OTX1: variants seen among roughly 807,000 people sequenced by gnomAD.
OTX1 encodes the protein homeobox protein OTX1.
In OTX1, 7 loss-of-function variants were observed where a neutral mutation model predicts 26.7. The ratio of observed to expected loss-of-function variants is 0.26; its 90% CI spans 0.15 to 0.49. The LOEUF (loss-of-function observed/expected upper bound fraction) is 0.49. OTX1 is among the 20% of genes least tolerant of loss of function. The pLI, the probability that OTX1 is intolerant of heterozygous loss-of-function variation, is 0.98. For synonymous variants in OTX1, 216 were observed against 212.8 expected (o/e 1.01, Z -0.13); for missense variants, 414 against 483.8 (o/e 0.86, Z 1.35).
intron 3 of OTX1, 30 bp downstream of exon 3, chr2:63,053,117 A>C: frequency 6.9e-7 from 1 of 1,442,800 alleles, no homozygotes; most frequent in Non-Finnish European, 9.3e-7. Flanking sequence ...ACCCTGCCTC[A>C]GCCTCTCAAA....
At position 63,055,838 on chromosome 2, in the gene OTX1, C is replaced by T; in HGVS notation, c.587C>T (p.Pro196Leu). The T allele has an allele frequency of 6.2e-7, 1 of 1,612,254 alleles. No individual in the cohort carries two copies. Among genetic ancestry groups the T allele is most frequent in the South Asian group, 1.1e-5 (1 of 91,024 alleles). Residue 196 changes from proline (P) to leucine (L), a missense_variant, in exon 5 of 5, where the codon CCA (proline) becomes CTA (leucine). Pro to Leu is a moderately conservative substitution (Grantham distance 98). Coordinates refer to ENST00000282549, the MANE Select transcript of OTX1 (RefSeq NM_014562.4). This position sits in a 1 kb window ranked among gnomAD's most constrained non-coding sequence, Gnocchi z 5.2. ...CCCGCGTCCGTGTCGGTGCCGGAGC[C>T]ATTGGCCGCGCCTAGCAACACCTCG... ...SAPASVSVPE[P>L]LAAPSNTSCM...
At position 63,052,518 on chromosome 2, in the gene OTX1, A is replaced by G. The variant is rs562798598; in HGVS notation, c.-111-362A>G. The stretch of plus-strand genomic sequence containing the variant: ...CTGGGCGGCCTGCCGTCCGGGCACC[A>G]AGTGAACCTTTGCTTGTGCAACATG... On this transcript the variant is annotated intron_variant, in intron 2 of 4. Coordinates refer to ENST00000282549, the MANE Select transcript of OTX1 (RefSeq NM_014562.4). Among the ~76,000 whole-genome samples the G allele has an allele frequency of 3.3e-5, 5 of 152,354 alleles. No homozygotes were observed. In the South Asian group the frequency reaches 1.0e-3, roughly 32 times the overall value.
At chr2:63,051,061 G>C (rs1178554177) in intron 1 of OTX1, 164 bp downstream of exon 1, 1 of 152,278 alleles carries the variant, frequency 6.6e-6, no homozygotes, top group East Asian at 1.9e-4. Flanking sequence ...CCCAGGCGAG[G>C]CAATGTCCTG....
chr2:63,055,395 G>A lies in OTX1; in HGVS notation c.250-106G>A, dbSNP rs1006304250. The A allele has an allele frequency of 7.9e-7, 1 of 1,266,670 alleles. No individual in the cohort carries two copies. Among genetic ancestry groups the A allele is most frequent in the Admixed American group, 2.3e-5 (1 of 42,892 alleles). 78.5% of individuals were successfully genotyped at this position (1,266,670 alleles called of 1,614,324 possible). ...CAGGAAGGGGCGGAGGCCTCGGTGA[G>A]AAAGGATTGCGATATTCTGGACCGG... On this transcript the variant is annotated intron_variant, in intron 4 of 4. Transcript: ENST00000282549. The surrounding 1 kb of genome is among the most constrained non-coding windows in gnomAD (Gnocchi z 5.2).
In OTX1 at chr2:63,055,984, G is replaced by A; in HGVS notation, c.733G>A (p.Gly245Ser). Residue 245 changes from glycine to serine, a missense_variant, in exon 5 of 5, where the codon GGC (glycine) becomes AGC (serine). Physicochemically the swap from Gly to Ser is moderately conservative, Grantham distance 56. Transcript: ENST00000282549. This position sits in a 1 kb window ranked among gnomAD's most constrained non-coding sequence, Gnocchi z 5.2. ...YPTPSSSYFG[G>S]VDCSSYLAPM... ...TACGCCCTCCTCTTCCTACTTTGGC[G>A]GCGTGGACTGCAGCTCATACCTAGC... 1.2e-6 allele frequency: 2 copies of A among 1,613,774 alleles called. No homozygotes were observed. Among genetic ancestry groups the A allele is most frequent in the South Asian group, 1.1e-5 (1 of 91,076 alleles).
intron 2 of OTX1, 37 bp from the exon 3 acceptor site, chr2:63,052,843 C>T: frequency 1.7e-6 from 1 of 582,974 alleles, no homozygotes; most frequent in Non-Finnish European, 3.0e-6. Flanking sequence ...CCAAGTGGCT[C>T]CGATTGACGG....
chr2:63,055,479 TC>T lies in OTX1; in HGVS notation c.250-17del. 1.2e-6 allele frequency: 2 copies of T among 1,601,510 alleles called. No homozygotes were observed. The highest frequency in any genetic ancestry group is 2.2e-5 in the South Asian group (2 of 89,404). ...TCCCCTAGCTCCCTTTGACCCACTCTCCCCCATCCGGCCCACTGCAGGTCTG... is the reference window on the plus strand; with the variant it reads ...TCCCCTAGCTCCCTTTGACCCACTCTCCCCATCCGGCCCACTGCAGGTCTG... On this transcript the variant is annotated intron_variant, in intron 4 of 4. Transcript: ENST00000282549. The surrounding 1 kb of genome is among the most constrained non-coding windows in gnomAD (Gnocchi z 5.2).
intron 4 of OTX1, 119 bp downstream of exon 4, chr2:63,054,317 T>C: frequency 4.0e-6 from 4 of 1,011,842 alleles, no homozygotes; most frequent in Non-Finnish European, 5.3e-6. Flanking sequence ...GCTTACAGAC[T>C]GGGCAGCCGC....
chr2:63,052,045 C>T (rs1044295410), intron 2 of OTX1: 1 of 152,590 alleles, frequency 6.6e-6, no homozygotes, highest in South Asian at 2.1e-4. Context: ...ATCCCCGAGA[C>T]CCTTTGAGGT....
Position 63,056,527 on chromosome 2 carries a change from G to A in OTX1, c.*211G>A, listed in dbSNP as rs1160275549. 1.7e-6 allele frequency: 1 copy of A among 601,652 alleles called. No individual in the cohort carries two copies. Among genetic ancestry groups the A allele is most frequent in the East Asian group, 2.8e-5 (1 of 36,244 alleles). The allele number at this position is 601,652 out of a possible 1,614,324, so 37.3% of individuals were successfully genotyped here. ...CAAACCCACCCTGCCCCTTGGATGG[G>A]GGGACCGGTGCTTCGGCTTGGCCTA... On this transcript the variant is annotated 3_prime_UTR_variant, in exon 5 of 5. Transcript: ENST00000282549.
At position 63,055,630 on chromosome 2, in the gene OTX1, T is replaced by C; in HGVS notation, c.379T>C (p.Phe127Leu). The C allele has an allele frequency of 6.2e-7, 1 of 1,614,122 alleles. No homozygotes were observed. The highest frequency in any genetic ancestry group is 8.5e-7 in the Non-Finnish European group (1 of 1,180,012). The change falls in exon 5 of 5, where the codon TTC becomes CTC. Residue 127 changes from phenylalanine to leucine, a missense_variant. Around this residue, in one of 3 missense-constraint regions of OTX1, gnomAD observed 320 missense variants for 347.9 expected, o/e 0.92. Transcript: ENST00000282549. The surrounding 1 kb of genome is among the most constrained non-coding windows in gnomAD (Gnocchi z 5.2). ...CTCGGGCTCCGAAAGCAGTGGCCAATTCACGCCGCCAGCTGTGTCCAGCTC... is the reference window on the plus strand; with the variant it reads ...CTCGGGCTCCGAAAGCAGTGGCCAACTCACGCCGCCAGCTGTGTCCAGCTC... ...ESSGSESSGQFTPPAVSSSAS... is the reference protein window; with the variant it reads ...ESSGSESSGQLTPPAVSSSAS...
At chr2:63,053,824 G>A in intron 3 of OTX1, 2 of 568,182 alleles carry the variant, frequency 3.5e-6, no homozygotes, top group Non-Finnish European at 6.3e-6. Context: ...CATAGAGAGG[G>A]GCAGCCCTCG....
rs953292262 is a variant in OTX1 at position 63,056,586 on chromosome 2, C to T, written c.*270C>T. On this transcript the variant is annotated 3_prime_UTR_variant, in exon 5 of 5. Coordinates refer to ENST00000282549, the MANE Select transcript of OTX1 (RefSeq NM_014562.4). ...ATACAGGAGAGATGTATTATTTCCCCCCTTCAGCCCCTACTAAACTCTTAA... is the reference window on the plus strand; with the variant it reads ...ATACAGGAGAGATGTATTATTTCCCTCCTTCAGCCCCTACTAAACTCTTAA... 5.8e-6 allele frequency: 3 copies of T among 521,714 alleles called. No individual in the cohort carries two copies. The highest frequency in any genetic ancestry group is 1.9e-5 in the African/African-American group (1 of 52,696). 32.3% of individuals were successfully genotyped at this position (521,714 alleles called of 1,614,324 possible).
intron 3 of OTX1, chr2:63,053,438 C>G (rs745794360): frequency 2.4e-5 from 6 of 254,662 alleles, no homozygotes; most frequent in African/African-American, 4.5e-5. Flanking sequence ...AATGTGTAAT[C>G]TGGACACTCG....
rs1268673721 is a variant in OTX1, at chr2:63,057,703, G to A, written c.*1387G>A. 6.6e-6 allele frequency: 1 copy of A among 152,206 alleles called. No individual in the cohort carries two copies. Among genetic ancestry groups the A allele is most frequent in the African/African-American group, 2.4e-5 (1 of 41,428 alleles). 9.4% of individuals were successfully genotyped at this position (152,206 alleles called of 1,614,324 possible). A position where few individuals can be genotyped will look rare whatever the true frequency, so the allele number is the denominator to read the frequency against. On this transcript the variant is annotated 3_prime_UTR_variant, in exon 5 of 5. Coordinates refer to ENST00000282549, the MANE Select transcript of OTX1 (RefSeq NM_014562.4). Reference sequence around the variant, plus strand: ...TTGGCTTTGGCCGCTTCGTCCAGTAGGTGGGAAAGTAATTTGTAAATTTGA... The same window carrying A: ...TTGGCTTTGGCCGCTTCGTCCAGTAAGTGGGAAAGTAATTTGTAAATTTGA...
intron 3 of OTX1, 131 bp downstream of exon 3, chr2:63,053,218 GTTTACA>G: frequency 1.6e-6 from 1 of 609,832 alleles, no homozygotes. Flanking sequence ...CCCACTGTCT[GTTTACA>G]ATACAGGGCC....
intron 2 of OTX1, chr2:63,051,641 C>G (rs758995250): frequency 6.6e-6 from 1 of 152,514 alleles, no homozygotes; most frequent in Non-Finnish European, 1.5e-5. Context: ...GCTTCCCTTC[C>G]GGTCCCCTTC....
upstream of OTX1, among the ~76,000 whole-genome samples, chr2:63,049,895 C>A (rs1574625779): frequency 6.6e-6 from 1 of 152,300 alleles, no homozygotes; most frequent in East Asian, 1.9e-4. This position sits in a 1 kb window ranked among gnomAD's most constrained non-coding sequence, Gnocchi z 4.8. Flanking sequence ...AGGATCCTTA[C>A]GCAGCATGTG....
At chr2:63,053,346 T>C (rs1410257523) in intron 3 of OTX1, 2 of 417,638 alleles carry the variant, frequency 4.8e-6, no homozygotes, top group Admixed American at 4.4e-5. Context: ...CCGGTTGTGG[T>C]CCCACCGCCA....
Sources: allele counts gnomAD v4.1 joint callset (sites outside exome capture counted in the v4.1 genomes callset), GRCh38; gene constraint gnomAD v4.1.1; regional missense constraint gnomAD v4.1.1; non-coding constraint Gnocchi (gnomAD v3.1); transcripts MANE v1.5; gene names NCBI Gene and HGNC (gene_info 2026-07-23, HGNC 2026-07-21).